EFCAB13: variants seen among roughly 807,000 people sequenced by gnomAD.
EFCAB13 encodes the protein EF-hand calcium-binding domain-containing protein 13.
A neutral mutation model predicts 110.2 loss-of-function variants in EFCAB13; 91 were observed. The observed-to-expected ratio is 0.83, with a 90% confidence interval of 0.70 to 0.98. The LOEUF (loss-of-function observed/expected upper bound fraction) is 0.98, where lower values mean the gene tolerates loss of function less well. Among genes scored for constraint, EFCAB13 ranks in the 50% least tolerant of loss-of-function variants. The probability of loss-of-function intolerance (pLI) is 0.00; values close to 1 mark genes in which losing one functional copy is unlikely to be tolerated. For synonymous variants in EFCAB13, 323 were observed against 369.9 expected (o/e 0.87, Z 1.45); for missense variants, 968 against 1,119.4 (o/e 0.86, Z 1.93).
chr17:47,418,332 G>A (rs1436964425), intron 23 of EFCAB13, among the ~76,000 whole-genome samples: 1 of 152,076 alleles, frequency 6.6e-6, no homozygotes, highest in Non-Finnish European at 1.5e-5. Context: ...TTCCAGAATA[G>A]GGCACTTTTG....
chr17:47,375,075 C>T, intron 12 of EFCAB13, 109 bp downstream of exon 12: 2 of 1,192,496 alleles, frequency 1.7e-6, no homozygotes, highest in Non-Finnish European at 2.2e-6. Context: ...CCTGGGTAAC[C>T]ACCACTTCTT....
intron 9 of EFCAB13, among the ~76,000 whole-genome samples, chr17:47,354,805 G>C (rs1431543348): frequency 1.3e-5 from 2 of 152,094 alleles, no homozygotes; most frequent in Non-Finnish European, 2.9e-5. Flanking sequence ...ATACTTGGTT[G>C]GTGAATTCTT....
Position 47,438,211 on chromosome 17 carries a change from C to T in EFCAB13, c.2639-2220C>T, listed in dbSNP as rs543289366. 2.4e-4 allele frequency among the ~76,000 whole-genome samples: 37 copies of T among 152,286 alleles called. 2 individuals are homozygous for T. In the South Asian group the frequency reaches 5.0e-3, roughly 20 times the overall value. ...TGGTGCTTCTGTCTCACAGCTCTTA[C>T]GAGTCTTTCCTTCGTCTTAACTTTG... On this transcript the variant is annotated intron_variant, in intron 24 of 24. Transcript: ENST00000331493.
intron 23 of EFCAB13, among the ~76,000 whole-genome samples, chr17:47,420,288 GGCTC>G (rs1445033928): frequency 2.9e-5 from 2 of 68,460 alleles, no homozygotes; most frequent in Non-Finnish European, 6.8e-5. Flanking sequence ...GCGTGATCTC[GGCTC>G]GCTACAACCT....
rs535702573 is a variant in EFCAB13 at position 47,370,460 on chromosome 17, G to A, written c.829G>A (p.Asp277Asn). The stretch of plus-strand genomic sequence containing the variant: ...AGGTAACCACATGGTGGATATTGGG[G>A]ATATTATATTTACTTTGAATGAGCT... ...IDSNHMVDIGDIIFTLNELQE... is the reference protein window; with the variant it reads ...IDSNHMVDIGNIIFTLNELQE... Residue 277 changes from aspartate (D) to asparagine (N), a missense_variant, in exon 11 of 25, where the codon GAT becomes AAT. Asp to Asn is a conservative substitution (Grantham distance 23). Transcript: ENST00000331493. The A allele has an allele frequency of 1.9e-6, 3 of 1,605,144 alleles. No homozygotes were observed. Among genetic ancestry groups the A allele is most frequent in the East Asian group, 4.5e-5 (2 of 44,660 alleles).
intron 6 of EFCAB13, among the ~76,000 whole-genome samples, chr17:47,343,611 T>TA (rs1377111909): frequency 6.6e-6 from 1 of 152,178 alleles, no homozygotes; most frequent in East Asian, 1.9e-4. Flanking sequence ...GGGTTCCATG[T>TA]AAAAGTGAAG....
intron 23 of EFCAB13, among the ~76,000 whole-genome samples, chr17:47,423,001 A>G (rs1567806410): frequency 6.6e-6 from 1 of 152,240 alleles, no homozygotes; most frequent in Non-Finnish European, 1.5e-5. Flanking sequence ...AGTTGCAACA[A>G]AGGTACCACT....
At chr17:47,423,530 TC>T in intron 23 of EFCAB13, 1 of 282,748 alleles carries the variant, frequency 3.5e-6, no homozygotes, top group Non-Finnish European at 6.6e-6. Context: ...CTTCTCCCGA[TC>T]CCCGGCCGTG....
intron 4 of EFCAB13, among the ~76,000 whole-genome samples, chr17:47,329,362 A>G (rs72825640): frequency 0.079 from 12,000 of 152,110 alleles, 584 homozygotes; most frequent in African/African-American, 0.12. Flanking sequence ...AGCATTGTCA[A>G]TTGAGAGTCC....
intron 11 of EFCAB13, among the ~76,000 whole-genome samples, chr17:47,373,464 G>T (rs2065596890): frequency 6.6e-6 from 1 of 151,968 alleles, no homozygotes; most frequent in African/African-American, 2.4e-5. Flanking sequence ...GGAGATTATT[G>T]TGCTCTTTTG....
intron 8 of EFCAB13, among the ~76,000 whole-genome samples, chr17:47,346,002 A>G (rs765130800): frequency 1.7e-4 from 26 of 152,190 alleles, no homozygotes; most frequent in African/African-American, 5.8e-4. Context: ...TCTGAAATCT[A>G]TGAAACTGAA....
At position 47,361,535 on chromosome 17, in the gene EFCAB13, A is replaced by G; in HGVS notation, c.805+14A>G. 6.3e-7 allele frequency: 1 copy of G among 1,591,200 alleles called. No individual in the cohort carries two copies. Among genetic ancestry groups the G allele is most frequent in the Non-Finnish European group, 8.6e-7 (1 of 1,160,296 alleles). On this transcript the variant is annotated intron_variant, in intron 10 of 24. Coordinates refer to ENST00000331493, the MANE Select transcript of EFCAB13 (RefSeq NM_152347.5). ...CCTATATTGACAGTGAGTTATTTGCATTGAGATATATATGTCCATATATAT... is the reference window on the plus strand; with the variant it reads ...CCTATATTGACAGTGAGTTATTTGCGTTGAGATATATATGTCCATATATAT...
intron 14 of EFCAB13, among the ~76,000 whole-genome samples, chr17:47,379,627 C>T (rs1273257520): frequency 6.7e-6 from 1 of 149,890 alleles, no homozygotes; most frequent in African/African-American, 2.5e-5. Context: ...TGATTTAGAA[C>T]TTTTAAAAAC....
chr17:47,409,416 T>A, intron 20 of EFCAB13: 1 of 451,072 alleles, frequency 2.2e-6, no homozygotes, highest in Non-Finnish European at 4.1e-6. Flanking sequence ...ACTGCCACAT[T>A]TAAGGAGTTG....
At chr17:47,397,595 C>T (rs1230612107) in intron 17 of EFCAB13, among the ~76,000 whole-genome samples, 3 of 151,492 alleles carry the variant, frequency 2.0e-5, no homozygotes, top group African/African-American at 4.9e-5. Flanking sequence ...GCCATCCTAT[C>T]TAGGAAGTGA....
intron 11 of EFCAB13, among the ~76,000 whole-genome samples, chr17:47,373,924 G>C (rs1011946738): frequency 2.0e-5 from 3 of 152,064 alleles, no homozygotes; most frequent in African/African-American, 4.8e-5. Context: ...TAAAATGTAA[G>C]ATAAGATTCT....
intron 7 of EFCAB13, among the ~76,000 whole-genome samples, chr17:47,344,788 T>C (rs968989296): frequency 3.3e-5 from 5 of 152,120 alleles, no homozygotes; most frequent in Non-Finnish European, 7.4e-5. Context: ...GGATAGTAGG[T>C]CATGGGCACT....
At chr17:47,354,339 C>G (rs1036111985) in intron 9 of EFCAB13, among the ~76,000 whole-genome samples, 3 of 152,114 alleles carry the variant, frequency 2.0e-5, no homozygotes, top group Non-Finnish European at 4.4e-5. Context: ...GAATAGAATT[C>G]ATAGTCTGCA....
In EFCAB13 at chr17:47,429,926, T is replaced by C. The variant is rs1435375348; in HGVS notation, c.2603T>C (p.Ile868Thr). 1.2e-6 allele frequency: 2 copies of C among 1,610,390 alleles called. No individual in the cohort carries two copies. Among genetic ancestry groups the C allele is most frequent in the Non-Finnish European group, 1.7e-6 (2 of 1,177,780 alleles). The change falls in exon 24 of 25, where the codon ATA (isoleucine) becomes ACA (threonine). Residue 868 changes from isoleucine (I) to threonine (T), a missense_variant. Ile to Thr is a moderately conservative substitution (Grantham distance 89, BLOSUM62 -1). Transcript: ENST00000331493. Reference protein sequence around the residue: ...MDKDLHTANAILTVMLRHVPE... With the variant: ...MDKDLHTANATLTVMLRHVPE... ...AAGGACCTTCATACAGCTAATGCTATACTTACTGTAATGTTAAGACATGTA... is the reference window on the plus strand; with the variant it reads ...AAGGACCTTCATACAGCTAATGCTACACTTACTGTAATGTTAAGACATGTA...
Sources: allele counts gnomAD v4.1 joint callset (sites outside exome capture counted in the v4.1 genomes callset), GRCh38; gene constraint gnomAD v4.1.1; transcripts MANE v1.5; gene names NCBI Gene and HGNC (gene_info 2026-07-23, HGNC 2026-07-21).